Variants in SPAG16 observed in about 807,000 individuals in gnomAD.
The protein encoded by SPAG16 is sperm associated antigen 16, also known as sperm-associated antigen 16 protein.
A neutral mutation model predicts 80.4 loss-of-function variants in SPAG16; 86 were observed. The observed-to-expected ratio is 1.07, with a 90% CI of 0.90 to 1.28. The LOEUF (loss-of-function observed/expected upper bound fraction) is 1.28, where lower values mean the gene tolerates loss of function less well. SPAG16 is among the 50% of genes most tolerant of loss of function. The probability of loss-of-function intolerance (pLI) is 0.00; values close to 1 mark genes in which losing one functional copy is unlikely to be tolerated. For synonymous variants in SPAG16, 294 were observed against 265.9 expected, an observed-to-expected ratio of 1.11 and a Z score of -1.03; for missense variants, 870 against 765.3, an observed-to-expected ratio of 1.14 and a Z score of -1.61.
chr2:214,141,466 C>CA (rs150033050), intron 14 of SPAG16, among the ~76,000 whole-genome samples: 45,978 of 136,626 alleles, frequency 0.34, 8,929 homozygotes, highest in Non-Finnish European at 0.45. Flanking sequence ...GACTCGGCCT[C>CA]AAAAAAAAAA....
chr2:213,939,816 C>T (rs1490777829), intron 12 of SPAG16, among the ~76,000 whole-genome samples: 1 of 152,040 alleles, frequency 6.6e-6, no homozygotes, highest in Non-Finnish European at 1.5e-5. Context: ...CAAGCAATAA[C>T]AAATAGAGAT....
In SPAG16 at chr2:213,361,789, C is replaced by CCACACACACACACA. The variant is rs10585217; in HGVS notation, c.763-2260_763-2247dup. ...GATTTGGATATTCAGACTGATAATG[C>CCACACACACACACA]CACACACACACACACACACACACAC... On this transcript the variant is annotated intron_variant, in intron 7 of 15. Coordinates refer to ENST00000331683, the MANE Select transcript of SPAG16 (RefSeq NM_024532.5). Among the ~76,000 whole-genome samples the CCACACACACACACA allele has an allele frequency of 4.1e-4, 58 of 140,106 alleles. 1 individual carries two copies. Among genetic ancestry groups the CCACACACACACACA allele is most frequent in the Middle Eastern group, 3.5e-3 (1 of 282 alleles). The allele number at this position is 140,106 out of a possible 152,430, so 91.9% of individuals were successfully genotyped here.
chr2:214,023,058 C>T (rs548011066), intron 13 of SPAG16, among the ~76,000 whole-genome samples: 28 of 152,016 alleles, frequency 1.8e-4, no homozygotes, highest in Non-Finnish European at 2.2e-4. Context: ...TAATATTCCC[C>T]GTTCTCAATT....
chr2:213,284,532 G>C lies in SPAG16; in HGVS notation c.49G>C (p.Glu17Gln). 6.3e-7 allele frequency: 1 copy of C among 1,599,246 alleles called. No homozygotes were observed. The highest frequency in any genetic ancestry group is 1.1e-5 in the South Asian group (1 of 88,644). The change falls in exon 1 of 16, where the codon GAG (glutamate) becomes CAG (glutamine). Residue 17 changes from glutamate (E) to glutamine (Q), a missense_variant. By Grantham distance (29) the Glu-to-Gln change is conservative. Coordinates refer to ENST00000331683, the MANE Select transcript of SPAG16 (RefSeq NM_024532.5). The part of the protein sequence containing the change: ...MPSSAVRVLE[E>Q]ALGMGLTAAG... ...CAGCTCCGCCGTGAGGGTCCTGGAA[G>C]AGGCGTTGGGCATGGGTTTGACGGC...
chr2:213,753,075 T>A (rs1268659833), intron 10 of SPAG16, among the ~76,000 whole-genome samples: 1 of 152,130 alleles, frequency 6.6e-6, no homozygotes, highest in Admixed American at 6.6e-5. Context: ...TGCAGTGGCG[T>A]GATCTCAGCT....
intron 9 of SPAG16, among the ~76,000 whole-genome samples, chr2:213,420,166 T>C (rs1467115858): frequency 6.6e-6 from 1 of 152,232 alleles, no homozygotes; most frequent in Non-Finnish European, 1.5e-5. Flanking sequence ...TTGTAATGCA[T>C]GTCAAAATAA....
chr2:213,932,986 A>ACACG (rs1297072201), intron 12 of SPAG16, among the ~76,000 whole-genome samples: 1 of 146,830 alleles, frequency 6.8e-6, no homozygotes, highest in Admixed American at 7.0e-5. Flanking sequence ...ACACACACAC[A>ACACG]CACACCAGTG....
chr2:213,335,942 G>A (rs915390991), intron 5 of SPAG16, among the ~76,000 whole-genome samples: 3 of 151,978 alleles, frequency 2.0e-5, no homozygotes, highest in African/African-American at 7.3e-5. Flanking sequence ...CCACTCTGTG[G>A]CTCCCACCAA....
At chr2:213,824,986 G>T (rs1403819721) in intron 10 of SPAG16, among the ~76,000 whole-genome samples, 1 of 151,386 alleles carries the variant, frequency 6.6e-6, no homozygotes, top group Non-Finnish European at 1.5e-5. Context: ...TATAACTATT[G>T]TAAATGAGAT....
At chr2:213,876,304 CA>C (rs71063792) in intron 11 of SPAG16, among the ~76,000 whole-genome samples, 30,584 of 80,082 alleles carry the variant, frequency 0.38, 3,760 homozygotes, top group East Asian at 0.58. Flanking sequence ...AACTTTGAAC[CA>C]AAAAAAAAAA....
intron 5 of SPAG16, among the ~76,000 whole-genome samples, chr2:213,323,586 A>T (rs777458767): frequency 6.6e-6 from 1 of 152,236 alleles, no homozygotes; most frequent in Non-Finnish European, 1.5e-5. Context: ...TTAAAATTCA[A>T]ACTACCATAT....
chr2:213,839,969 T>C lies in SPAG16; in HGVS notation c.1071-22516T>C, dbSNP rs77457515. On this transcript the variant is annotated intron_variant, in intron 10 of 15. Transcript: ENST00000331683. The stretch of plus-strand genomic sequence containing the variant: ...AAAAGGTAGGAAAAGAACATTTATA[T>C]TGGCATTCTCTGGAAAGAGAAAGCC... Among the ~76,000 whole-genome samples, 1,387 of 152,306 alleles carry C rather than the reference T, an allele frequency of 9.1e-3. 26 individuals are homozygous for C. The highest frequency in any genetic ancestry group is 0.03 in the African/African-American group (1,259 of 41,582).
intron 10 of SPAG16, among the ~76,000 whole-genome samples, chr2:213,536,288 T>C (rs890366289): frequency 1.3e-5 from 2 of 152,168 alleles, no homozygotes; most frequent in Non-Finnish European, 2.9e-5. Flanking sequence ...GGATTTCATA[T>C]GGATCAACTT....
At chr2:213,980,790 T>C (rs2045705757) in intron 12 of SPAG16, among the ~76,000 whole-genome samples, 1 of 143,648 alleles carries the variant, frequency 7.0e-6, no homozygotes, top group Admixed American at 7.2e-5. Context: ...GTGCCTGTAA[T>C]CCCAGCTACT....
At chr2:213,911,610 C>T (rs1226895373) in intron 11 of SPAG16, among the ~76,000 whole-genome samples, 1 of 152,022 alleles carries the variant, frequency 6.6e-6, no homozygotes, top group Non-Finnish European at 1.5e-5. Flanking sequence ...TTGTCCCAAA[C>T]TTGATGATTA....
rs552223687 is a variant in SPAG16, at chr2:213,292,890, C to T, written c.137-3174C>T. On this transcript the variant is annotated intron_variant, in intron 1 of 15. Coordinates refer to ENST00000331683, the MANE Select transcript of SPAG16 (RefSeq NM_024532.5). ...TATATCATTTACTATAAGCCAGGCA[C>T]TAATCTAAATGCTTTACATATATTG... Among the ~76,000 whole-genome samples, 9 of 152,116 alleles carry T rather than the reference C, an allele frequency of 5.9e-5. No homozygotes were observed. In the South Asian group the frequency reaches 8.3e-4, roughly 14 times the overall value.
At chr2:213,772,929 A>C (rs982677896) in intron 10 of SPAG16, among the ~76,000 whole-genome samples, 1 of 152,000 alleles carries the variant, frequency 6.6e-6, no homozygotes, top group Admixed American at 6.6e-5. Context: ...CTTTCATTAA[A>C]TTGGTCCCTA....
At chr2:213,875,402 G>A (rs1400289868) in intron 11 of SPAG16, among the ~76,000 whole-genome samples, 2 of 152,018 alleles carry the variant, frequency 1.3e-5, no homozygotes, top group East Asian at 3.9e-4. Flanking sequence ...GAAGCGAAAA[G>A]GGATACATGA....
At chr2:214,409,940 T>G (rs1702206527) in intron 15 of SPAG16, among the ~76,000 whole-genome samples, 200 bp from the exon 16 acceptor site, 1 of 152,234 alleles carries the variant, frequency 6.6e-6, no homozygotes, top group African/African-American at 2.4e-5. Flanking sequence ...TTAGAAAATT[T>G]TATAACCTAA....
Sources: gnomAD v4.1 joint callset for allele counts (sites outside exome capture counted in the v4.1 genomes callset) on GRCh38, gnomAD v4.1.1 for gene constraint, MANE v1.5 for transcripts, NCBI Gene and HGNC (gene_info 2026-07-23, HGNC 2026-07-21) for gene names.